AGO4: variants seen among roughly 807,000 people sequenced by gnomAD.
The protein encoded by AGO4 is protein argonaute-4.
In AGO4, 33 loss-of-function variants were observed where a neutral mutation model predicts 104.7. The ratio of observed to expected loss-of-function variants is 0.32; its 90% CI spans 0.24 to 0.42. AGO4 has a LOEUF of 0.42. Among genes scored for constraint, AGO4 ranks in the 10% least tolerant of loss-of-function variants. The probability of loss-of-function intolerance (pLI) is 1.00; values close to 1 mark genes in which losing one functional copy is unlikely to be tolerated. For synonymous variants in AGO4, 331 were observed against 364.7 expected, an observed-to-expected ratio of 0.91 and a Z score of 1.05; for missense variants, 711 against 1,083.4, an observed-to-expected ratio of 0.66 and a Z score of 4.83.
chr1:35,820,097 G>T (rs548074808), intron 2 of AGO4, among the ~76,000 whole-genome samples: 1 of 152,306 alleles, frequency 6.6e-6, no homozygotes, highest in East Asian at 1.9e-4. Flanking sequence ...TGGTGCTCTG[G>T]AGGCAAAGGA....
chr1:35,853,123 C>A (rs1242533782), intron 17 of AGO4, among the ~76,000 whole-genome samples: 3 of 151,664 alleles, frequency 2.0e-5, no homozygotes, highest in Non-Finnish European at 4.4e-5. Context: ...TGGTGGCGGG[C>A]GCCTGTAGTC....
Position 35,831,513 on chromosome 1 carries a change from A to G in AGO4, c.935A>G (p.Tyr312Cys), listed in dbSNP as rs1644185182. The G allele has an allele frequency of 1.2e-6, 2 of 1,614,050 alleles. No homozygotes were observed. The highest frequency in any genetic ancestry group is 1.3e-5 in the African/African-American group (1 of 75,020). ...CAAAAGTATAGTCTGCAACTGAAAT[A>G]CCCCCATCTTCCCTGTCTCCAAGTG... ...FKQKYSLQLK[Y>C]PHLPCLQVGQ... The change falls in exon 8 of 18, where the codon TAC becomes TGC. Residue 312 changes from tyrosine to cysteine, a missense_variant. Around this residue, in one of 3 missense-constraint regions of AGO4, gnomAD observed 308 missense variants for 397.8 expected, o/e 0.77. Coordinates refer to ENST00000373210, the MANE Select transcript of AGO4 (RefSeq NM_017629.4).
chr1:35,825,760 T>C lies in AGO4; in HGVS notation c.570T>C (p.Phe190=). The C allele has an allele frequency of 6.3e-7, 1 of 1,597,686 alleles. No homozygotes were observed. The highest frequency in any genetic ancestry group is 8.5e-7 in the Non-Finnish European group (1 of 1,174,264). ...TGGGAGGGGGCAGGGAGGTCTGGTT[T>C]GGTTTTCATCAGTCTGTGAGACCTG... ...HPLGGGREVW[F]GFHQSVRPAM... The change falls in exon 5 of 18, where the codon TTT becomes TTC. Residue 190 remains phenylalanine, a synonymous_variant. Coordinates refer to ENST00000373210, the MANE Select transcript of AGO4 (RefSeq NM_017629.4).
chr1:35,823,126 A>G (rs1643923640), intron 3 of AGO4, 144 bp downstream of exon 3: 1 of 932,112 alleles, frequency 1.1e-6, no homozygotes, highest in South Asian at 1.9e-5. Flanking sequence ...ATTATTACAC[A>G]TTGCATACAG....
intron 2 of AGO4, among the ~76,000 whole-genome samples, chr1:35,817,885 A>G (rs556499834): frequency 6.6e-6 from 1 of 152,308 alleles, no homozygotes; most frequent in African/African-American, 2.4e-5. Context: ...GTAATGGATA[A>G]CATTGATCCA....
chr1:35,825,426 C>A lies in AGO4; in HGVS notation c.420C>A (p.His140Gln), dbSNP rs760911142. ...LQLLLEALAGHLNEVPDDSVQ... is the reference protein window; with the variant it reads ...LQLLLEALAGQLNEVPDDSVQ... ...TGCTTTTAGAAGCTTTGGCTGGGCACTTGAATGAAGTCCCAGATGACTCAG... is the reference window on the plus strand; with the variant it reads ...TGCTTTTAGAAGCTTTGGCTGGGCAATTGAATGAAGTCCCAGATGACTCAG... Residue 140 changes from histidine (H) to glutamine (Q), a missense_variant, in exon 4 of 18, where the codon CAC becomes CAA. Coordinates refer to ENST00000373210, the MANE Select transcript of AGO4 (RefSeq NM_017629.4). The A allele has an allele frequency of 6.2e-6, 10 of 1,614,058 alleles. No homozygotes were observed. In the African/African-American group the frequency reaches 9.3e-5, roughly 15 times the overall value.
chr1:35,835,234 T>C (rs1254934740), intron 12 of AGO4, among the ~76,000 whole-genome samples: 1 of 152,004 alleles, frequency 6.6e-6, no homozygotes, highest in Non-Finnish European at 1.5e-5. Flanking sequence ...TTTTTGTATT[T>C]TTAGTAGAGA....
chr1:35,824,970 C>A (rs2148660459), intron 3 of AGO4, among the ~76,000 whole-genome samples: 1 of 152,260 alleles, frequency 6.6e-6, no homozygotes, highest in East Asian at 1.9e-4. Flanking sequence ...TCCCTGAGAA[C>A]CACTATTCTA....
chr1:35,836,478 C>T (rs765792556), intron 13 of AGO4, among the ~76,000 whole-genome samples: 14 of 152,186 alleles, frequency 9.2e-5, no homozygotes, highest in Non-Finnish European at 1.3e-4. Flanking sequence ...GATGCGATCT[C>T]GGCTTACTGC....
At chr1:35,827,305 A>G (rs1446418210) in intron 7 of AGO4, among the ~76,000 whole-genome samples, 1 of 152,132 alleles carries the variant, frequency 6.6e-6, no homozygotes, top group Non-Finnish European at 1.5e-5. Context: ...AGATCACTTG[A>G]AGTCAGGCGT....
Position 35,853,692 on chromosome 1 carries a change from G to T in AGO4, c.*87G>T. Reference sequence around the variant, plus strand: ...GCCTACCGCCTCTAGATCGAGCCACGTTGACTTCAGGTGGTCTTCTACCAG... The same window carrying T: ...GCCTACCGCCTCTAGATCGAGCCACTTTGACTTCAGGTGGTCTTCTACCAG... On this transcript the variant is annotated 3_prime_UTR_variant, in exon 18 of 18. Transcript: ENST00000373210. 9.1e-7 allele frequency: 1 copy of T among 1,102,324 alleles called. No homozygotes were observed. Among genetic ancestry groups the T allele is most frequent in the Non-Finnish European group, 1.3e-6 (1 of 743,702 alleles). 68.3% of individuals were successfully genotyped at this position (1,102,324 alleles called of 1,614,324 possible).
chr1:35,815,695 T>C (rs1236916953), intron 1 of AGO4, among the ~76,000 whole-genome samples: 4 of 152,238 alleles, frequency 2.6e-5, no homozygotes, highest in Non-Finnish European at 5.9e-5. Flanking sequence ...CTCAGCACTA[T>C]TGATATTTTG....
At chr1:35,850,635 T>C (rs936118961) in intron 16 of AGO4, among the ~76,000 whole-genome samples, 5 of 151,310 alleles carry the variant, frequency 3.3e-5, no homozygotes, top group Non-Finnish European at 4.4e-5. Context: ...ACAAAAATTA[T>C]CTGGGCATGG....
chr1:35,826,891 A>G (rs1644034614), intron 7 of AGO4, 56 bp downstream of exon 7: 1 of 1,563,596 alleles, frequency 6.4e-7, no homozygotes, highest in South Asian at 1.2e-5. Context: ...AGAGGGAGCT[A>G]CTATAATTGT....
chr1:35,836,285 T>G (rs1251786682), intron 13 of AGO4, among the ~76,000 whole-genome samples: 1 of 152,244 alleles, frequency 6.6e-6, no homozygotes, highest in African/African-American at 2.4e-5. Context: ...TCATGCAGGA[T>G]GTACTATTTT....
chr1:35,853,362 G>A (rs959986854), intron 17 of AGO4, 135 bp from the exon 18 acceptor site: 9 of 600,122 alleles, frequency 1.5e-5, no homozygotes, highest in African/African-American at 1.1e-4. Flanking sequence ...ATCTAGTACT[G>A]TTTGTGCTAT....
intron 7 of AGO4, among the ~76,000 whole-genome samples, chr1:35,828,263 T>C (rs1644083431): frequency 6.6e-6 from 1 of 152,128 alleles, no homozygotes; most frequent in Admixed American, 6.6e-5. Flanking sequence ...CAAGCAATCC[T>C]CCCACCTCAG....
At chr1:35,820,029 A>G (rs1043803887) in intron 2 of AGO4, among the ~76,000 whole-genome samples, 1 of 152,198 alleles carries the variant, frequency 6.6e-6, no homozygotes, top group Admixed American at 6.6e-5. Flanking sequence ...GCGATGAGGA[A>G]GTATCAGCAG....
Position 35,833,474 on chromosome 1 carries a change from GTGA to G in AGO4, c.1380-511_1380-509del, listed in dbSNP as rs889329555. 1.4e-4 allele frequency among the ~76,000 whole-genome samples: 22 copies of G among 152,156 alleles called. No individual in the cohort carries two copies. In the South Asian group the frequency reaches 1.9e-3, roughly 13 times the overall value. On this transcript the variant is annotated intron_variant, in intron 11 of 17. Coordinates refer to ENST00000373210, the MANE Select transcript of AGO4 (RefSeq NM_017629.4). ...TCAAAGTGAATTTTGCTTTTTTTAA[GTGA>G]TGATTTCTTTTGACATTTTTATTGA...
Sources: gnomAD v4.1 joint callset for allele counts (sites outside exome capture counted in the v4.1 genomes callset) on GRCh38, gnomAD v4.1.1 for gene constraint, gnomAD v4.1.1 regional missense constraint, MANE v1.5 for transcripts, NCBI Gene and HGNC (gene_info 2026-07-23, HGNC 2026-07-21) for gene names.